CCDC34: variants seen among roughly 807,000 people sequenced by gnomAD.
The protein encoded by CCDC34 is coiled-coil domain-containing protein 34.
CCDC34 carries 40 observed loss-of-function variants against 44.1 expected under a neutral mutation model. The observed-to-expected ratio is 0.91, with a 90% confidence interval of 0.70 to 1.18. The LOEUF is 1.18. Among genes scored for constraint, CCDC34 ranks in the 50% most tolerant of loss-of-function variants. The pLI, the probability that CCDC34 is intolerant of heterozygous loss-of-function variation, is 0.00. For missense variants in CCDC34, 466 were observed against 452.3 expected, an observed-to-expected ratio of 1.03 and a Z score of -0.28; for synonymous variants, 159 against 158.2, an observed-to-expected ratio of 1.01 and a Z score of -0.04.
rs34146389 is a variant in CCDC34, at chr11:27,356,008, ATTTTTTTTT to A, written c.498+1386_498+1394del. ...AGATCATGAAGCTTTTGTTCCCAGG[ATTTTTTTTT>A]TTTTTTTTTTTTTTTTTTTAGACAG... On this transcript the variant is annotated intron_variant, in intron 2 of 5. Coordinates refer to ENST00000328697, the MANE Select transcript of CCDC34 (RefSeq NM_030771.2). Among the ~76,000 whole-genome samples, 151 of 69,512 alleles carry A rather than the reference ATTTTTTTTT, an allele frequency of 2.2e-3. 1 individual carries two copies. Among genetic ancestry groups the A allele is most frequent in the African/African-American group, 8.1e-3 (147 of 18,112 alleles). 45.6% of individuals were successfully genotyped at this position (69,512 alleles called of 152,430 possible).
intron 2 of CCDC34, among the ~76,000 whole-genome samples, chr11:27,353,170 T>C (rs1862526701): frequency 6.6e-6 from 1 of 152,196 alleles, no homozygotes; most frequent in South Asian, 2.1e-4. Context: ...TTGCCTACTT[T>C]CAAATAATTT....
chr11:27,348,989 T>C (rs1292040238), intron 3 of CCDC34: 3 of 984,800 alleles, frequency 3.0e-6, no homozygotes, highest in Non-Finnish European at 3.6e-6. Context: ...ATTTTTTTTT[T>C]CTTCAAATAA....
In CCDC34 at chr11:27,363,166, G is replaced by A. The variant is rs746499525; in HGVS notation, c.29C>T (p.Thr10Ile). Reference protein sequence around the residue: MWAAGRWGPTFPSSYAGFSA... With the variant: MWAAGRWGPIFPSSYAGFSA... ...GAAACCGGCGTAGGAAGAGGGAAAA[G>A]TAGGCCCCCAGCGCCCCGCCGCCCA... The change falls in exon 1 of 6, where the codon ACT becomes ATT. Residue 10 changes from threonine (T) to isoleucine (I), a missense_variant. Thr to Ile is a moderately conservative substitution (Grantham distance 89). Transcript: ENST00000328697. 9.3e-6 allele frequency: 14 copies of A among 1,498,538 alleles called. No homozygotes were observed. In the African/African-American group the frequency reaches 1.5e-4, roughly 17 times the overall value. 92.8% of individuals were successfully genotyped at this position (1,498,538 alleles called of 1,614,324 possible).
chr11:27,363,159 G>T lies in CCDC34; in HGVS notation c.36C>A (p.Pro12=). ...WAAGRWGPTF[P]SSYAGFSADC... is the part of the protein sequence containing the mutation. ...CAGCAGAGAAACCGGCGTAGGAAGAGGGAAAAGTAGGCCCCCAGCGCCCCG... is the reference window on the plus strand; with the variant it reads ...CAGCAGAGAAACCGGCGTAGGAAGATGGAAAAGTAGGCCCCCAGCGCCCCG... The change falls in exon 1 of 6, where the codon CCC becomes CCA. Residue 12 remains proline, a synonymous_variant. Transcript: ENST00000328697. 6.6e-7 allele frequency: 1 copy of T among 1,504,788 alleles called. No homozygotes were observed. The allele number at this position is 1,504,788 out of a possible 1,614,324, so 93.2% of individuals were successfully genotyped here.
At chr11:27,357,317 A>C in intron 2 of CCDC34, 86 bp downstream of exon 2, 1 of 1,329,504 alleles carries the variant, frequency 7.5e-7, no homozygotes, top group Non-Finnish European at 1.0e-6. Context: ...GTTTTCAGGA[A>C]TAATAACATT....
At chr11:27,345,879 T>G (rs1862425415) in intron 3 of CCDC34, among the ~76,000 whole-genome samples, 1 of 152,146 alleles carries the variant, frequency 6.6e-6, no homozygotes, top group African/African-American at 2.4e-5. Context: ...CCACAATGGT[T>G]GAACTAGTTT....
chr11:27,360,402 G>A (rs1241436996), intron 1 of CCDC34, among the ~76,000 whole-genome samples: 1 of 152,192 alleles, frequency 6.6e-6, no homozygotes, highest in Non-Finnish European at 1.5e-5. Flanking sequence ...ATACCTTGAG[G>A]TAATATCCAT....
At chr11:27,348,824 A>C in intron 3 of CCDC34, 1 of 935,302 alleles carries the variant, frequency 1.1e-6, no homozygotes, top group Non-Finnish European at 1.3e-6. Context: ...AAAAAAAAGA[A>C]TAATCAATTA....
intron 3 of CCDC34, among the ~76,000 whole-genome samples, chr11:27,345,437 C>T (rs1451028351): frequency 6.6e-6 from 1 of 152,118 alleles, no homozygotes; most frequent in Non-Finnish European, 1.5e-5. Flanking sequence ...CCTCACCACT[C>T]CACCCACCCC....
chr11:27,358,963 C>G (rs918764192), intron 1 of CCDC34, among the ~76,000 whole-genome samples: 1 of 111,604 alleles, frequency 9.0e-6, no homozygotes, highest in African/African-American at 3.0e-5. Context: ...TGTGGACCCC[C>G]CCCCCCCACC....
In CCDC34 at chr11:27,338,987, A is replaced by C; in HGVS notation, c.956T>G (p.Ile319Ser). The C allele has an allele frequency of 6.2e-7, 1 of 1,613,620 alleles. No individual in the cohort carries two copies. The change falls in exon 6 of 6, where the codon ATT (isoleucine) becomes AGT (serine). Residue 319 changes from isoleucine (I) to serine (S), a missense_variant. Ile to Ser is a moderately radical substitution (Grantham distance 142, BLOSUM62 -2). Coordinates refer to ENST00000328697, the MANE Select transcript of CCDC34 (RefSeq NM_030771.2). The stretch of plus-strand genomic sequence containing the variant: ...TGGCATATGAATTGGTTTCCACGGA[A>C]TTGGATTATAAAAGGCTGGTTCTGG... ...SYPEPAFYNP[I>S]PWKPIHMPPP... is the part of the protein sequence containing the mutation.
chr11:27,357,672 G>A, intron 1 of CCDC34, 131 bp from the exon 2 acceptor site: 3 of 708,672 alleles, frequency 4.2e-6, no homozygotes, highest in South Asian at 3.1e-5. Flanking sequence ...CAAATATACA[G>A]GAATTATACA....
At chr11:27,358,174 C>A (rs1393540727) in intron 1 of CCDC34, among the ~76,000 whole-genome samples, 1 of 152,104 alleles carries the variant, frequency 6.6e-6, no homozygotes, top group Admixed American at 6.5e-5. Context: ...TGGTTACCTC[C>A]TACCATAGTC....
chr11:27,346,847 G>A (rs767181003), intron 3 of CCDC34, among the ~76,000 whole-genome samples: 1 of 152,138 alleles, frequency 6.6e-6, no homozygotes, highest in Non-Finnish European at 1.5e-5. Flanking sequence ...ATAAGGGTAG[G>A]ACCCTAATTC....
intron 5 of CCDC34, among the ~76,000 whole-genome samples, chr11:27,339,920 T>G (rs1020870191): frequency 6.6e-6 from 1 of 152,134 alleles, no homozygotes. Context: ...TTATTACTCT[T>G]TTTTTCAAGC....
intron 3 of CCDC34, among the ~76,000 whole-genome samples, chr11:27,345,455 G>A (rs1034730425): frequency 5.9e-5 from 9 of 151,950 alleles, no homozygotes; most frequent in African/African-American, 2.2e-4. Flanking sequence ...CCCACAACAG[G>A]CCCCGGTGTG....
chr11:27,345,087 A>G (rs1215665830), intron 3 of CCDC34, among the ~76,000 whole-genome samples: 2 of 152,202 alleles, frequency 1.3e-5, no homozygotes, highest in Non-Finnish European at 2.9e-5. Context: ...GTAGTTTAAT[A>G]GGGAAAAGAT....
intron 1 of CCDC34, among the ~76,000 whole-genome samples, chr11:27,361,575 G>C (rs1038399077): frequency 6.6e-6 from 1 of 152,156 alleles, no homozygotes; most frequent in African/African-American, 2.4e-5. Flanking sequence ...CCTGTTTCTT[G>C]TTGCTACAAC....
chr11:27,357,369 C>T, intron 2 of CCDC34, 34 bp downstream of exon 2: 1 of 1,585,198 alleles, frequency 6.3e-7, no homozygotes, highest in Non-Finnish European at 8.6e-7. Flanking sequence ...TGTGAGCTCA[C>T]AGATTAAATA....
Sources: allele counts gnomAD v4.1 joint callset (sites outside exome capture counted in the v4.1 genomes callset), GRCh38; gene constraint gnomAD v4.1.1; transcripts MANE v1.5; gene names NCBI Gene and HGNC (gene_info 2026-07-23, HGNC 2026-07-21).